Variants in ABI3BP observed in about 807,000 individuals in gnomAD.
ABI3BP encodes the protein ABI family member 3 binding protein.
ABI3BP carries 216 observed loss-of-function variants against 268.6 expected under a neutral mutation model. That is an observed-to-expected ratio of 0.80 (90% CI 0.72 to 0.90). ABI3BP has a LOEUF of 0.90. Ranked by LOEUF, ABI3BP falls within the 40% of genes least tolerant of loss-of-function variation. The probability of loss-of-function intolerance (pLI) is 0.00; values close to 1 mark genes in which losing one functional copy is unlikely to be tolerated. For synonymous variants in ABI3BP, 730 were observed against 730.0 expected, an observed-to-expected ratio of 1.00 and a Z score of 0.00; for missense variants, 2,090 against 2,182.4, an observed-to-expected ratio of 0.96 and a Z score of 0.84.
At chr3:100,821,967 T>C (rs959195464) in intron 38 of ABI3BP, among the ~76,000 whole-genome samples, 1 of 152,148 alleles carries the variant, frequency 6.6e-6, no homozygotes, top group Non-Finnish European at 1.5e-5. Flanking sequence ...TACTTGTGTC[T>C]TTTCCTTTTG....
intron 6 of ABI3BP, among the ~76,000 whole-genome samples, chr3:100,878,606 CAA>C (rs1439324095): frequency 1.3e-5 from 2 of 152,086 alleles, no homozygotes; most frequent in Non-Finnish European, 2.9e-5. Context: ...TAAAAAATAC[CAA>C]ACTCTCAGCT....
In ABI3BP at chr3:100,804,822, G is replaced by A; in HGVS notation, c.3727C>T (p.Pro1243Ser). The change falls in exon 51 of 68, where the codon CCA becomes TCA. Residue 1243 changes from proline (P) to serine (S), a missense_variant. Physicochemically the swap from Pro to Ser is moderately conservative, Grantham distance 74 (BLOSUM62 -1). Coordinates refer to ENST00000471714, the MANE Select transcript of ABI3BP (RefSeq NM_001375547.2). ...QRVTAKPKTS[P>S]SPEVSYTTPA... ...GTGGTGTATGACACTTCTGGACTTGGTGACGTTTTTGGTTTTGCAGTAACA... is the reference window on the plus strand; with the variant it reads ...GTGGTGTATGACACTTCTGGACTTGATGACGTTTTTGGTTTTGCAGTAACA... 2 of 1,613,144 alleles carry A rather than the reference G, an allele frequency of 1.2e-6. No homozygotes were observed. Among genetic ancestry groups the A allele is most frequent in the Non-Finnish European group, 1.7e-6 (2 of 1,179,258 alleles).
At chr3:100,860,461 C>A (rs990779458) in intron 14 of ABI3BP, among the ~76,000 whole-genome samples, 1 of 152,134 alleles carries the variant, frequency 6.6e-6, no homozygotes, top group Non-Finnish European at 1.5e-5. Flanking sequence ...CTGCATTAGC[C>A]GCTGCTCATA....
chr3:100,949,899 T>C (rs893934365), intron 1 of ABI3BP, among the ~76,000 whole-genome samples: 18 of 152,164 alleles, frequency 1.2e-4, no homozygotes, highest in African/African-American at 3.4e-4. Context: ...AAACCCACAA[T>C]TGCCCTTTTG....
intron 14 of ABI3BP, among the ~76,000 whole-genome samples, chr3:100,857,991 G>C (rs1051933433): frequency 1.3e-5 from 2 of 152,186 alleles, no homozygotes; most frequent in Admixed American, 6.5e-5. Context: ...CTTTTCTAGC[G>C]CTTGCTCCTT....
intron 1 of ABI3BP, among the ~76,000 whole-genome samples, chr3:100,944,372 G>A (rs1225666359): frequency 6.6e-6 from 1 of 151,890 alleles, no homozygotes; most frequent in African/African-American, 2.4e-5. Context: ...TCCAGTTTGG[G>A]CACTCATTAA....
chr3:100,930,005 T>C (rs1179847404), intron 1 of ABI3BP, among the ~76,000 whole-genome samples: 1 of 152,082 alleles, frequency 6.6e-6, no homozygotes, highest in Admixed American at 6.6e-5. Context: ...ATGTACATTC[T>C]ACACTAATGT....
chr3:100,771,047 C>CA, intron 61 of ABI3BP, 95 bp from the exon 62 acceptor site: 1 of 1,129,086 alleles, frequency 8.9e-7, no homozygotes, highest in South Asian at 2.4e-5. Flanking sequence ...CATTTGGTCT[C>CA]ATATTATAAG....
intron 6 of ABI3BP, among the ~76,000 whole-genome samples, chr3:100,885,019 G>T (rs932174362): frequency 1.3e-5 from 2 of 152,026 alleles, no homozygotes; most frequent in South Asian, 2.1e-4. Flanking sequence ...ACAGAGAAAA[G>T]GATGTTTTTA....
At chr3:100,836,155 T>C (rs928218084) in intron 27 of ABI3BP, among the ~76,000 whole-genome samples, 15 of 152,204 alleles carry the variant, frequency 9.9e-5, no homozygotes, top group Admixed American at 5.9e-4. Context: ...TGCTTCTTAC[T>C]CTGCCTCCTT....
At chr3:100,970,016 G>C (rs77277272) in intron 1 of ABI3BP, among the ~76,000 whole-genome samples, 1,766 of 152,090 alleles carry the variant, frequency 0.012, 19 homozygotes, top group South Asian at 0.037. Context: ...TATTCCCATG[G>C]GGCTACTCTC....
chr3:100,892,005 A>G (rs944764626), intron 4 of ABI3BP, among the ~76,000 whole-genome samples: 1 of 152,196 alleles, frequency 6.6e-6, no homozygotes, highest in African/African-American at 2.4e-5. Flanking sequence ...CATTCCATTG[A>G]CGTCGTTTAC....
intron 59 of ABI3BP, among the ~76,000 whole-genome samples, chr3:100,777,154 C>T (rs1479514149): frequency 6.6e-6 from 1 of 152,232 alleles, no homozygotes; most frequent in Non-Finnish European, 1.5e-5. Flanking sequence ...ATCACAACAG[C>T]CTCCTTTCAT....
In ABI3BP at chr3:100,825,687, AG is replaced by A; in HGVS notation, c.2662+97del. 3 of 920,908 alleles carry A rather than the reference AG, an allele frequency of 3.3e-6. No individual in the cohort carries two copies. In the South Asian group the frequency reaches 4.2e-5, roughly 13 times the overall value. 57.0% of individuals were successfully genotyped at this position (920,908 alleles called of 1,614,324 possible). ...GGCAGTGATGTTTGCTATTTTGTAG[AG>A]GAAGACATGCCATGTTATAGGGATG... On this transcript the variant is annotated intron_variant, in intron 35 of 67. Transcript: ENST00000471714.
intron 9 of ABI3BP, among the ~76,000 whole-genome samples, chr3:100,867,640 C>CAAAAAAA (rs5851230): frequency 0.014 from 878 of 64,074 alleles, 49 homozygotes; most frequent in African/African-American, 0.027. Context: ...GACCCCGTCT[C>CAAAAAAA]AAAAAAAAAA....
At chr3:100,928,774 C>T (rs143331151) in intron 1 of ABI3BP, among the ~76,000 whole-genome samples, 153 of 152,078 alleles carry the variant, frequency 1.0e-3, no homozygotes, top group African/African-American at 3.6e-3. Flanking sequence ...AAAAGTGGGT[C>T]AAAACTAGAT....
chr3:100,932,582 C>T (rs992071527), intron 1 of ABI3BP, among the ~76,000 whole-genome samples: 1 of 152,046 alleles, frequency 6.6e-6, no homozygotes, highest in African/African-American at 2.4e-5. Flanking sequence ...GTGTGGCCAA[C>T]AAGCACATGA....
chr3:100,769,162 T>G (rs913424871), intron 62 of ABI3BP, among the ~76,000 whole-genome samples: 2 of 152,190 alleles, frequency 1.3e-5, no homozygotes, highest in African/African-American at 4.8e-5. Flanking sequence ...CAAAATGGAA[T>G]GAAAAACCAA....
chr3:100,847,597 A>G lies in ABI3BP; in HGVS notation c.1648+5T>C. ...ACACATCTACTAAGGACATATCATT[A>G]TTACCCGGTGTTGTCCATGTAGGTT... is the stretch of plus-strand genomic sequence containing the variant. On this transcript the variant is annotated splice_donor_5th_base_variant and intron_variant, in intron 19 of 67. Transcript: ENST00000471714. 1 of 1,606,182 alleles carries G rather than the reference A, an allele frequency of 6.2e-7. No individual in the cohort carries two copies. The highest frequency in any genetic ancestry group is 8.5e-7 in the Non-Finnish European group (1 of 1,172,854).
Sources: gnomAD v4.1 joint callset for allele counts (sites outside exome capture counted in the v4.1 genomes callset) on GRCh38, gnomAD v4.1.1 for gene constraint, MANE v1.5 for transcripts, NCBI Gene and HGNC (gene_info 2026-07-23, HGNC 2026-07-21) for gene names.